TNNI3: variants seen among roughly 807,000 people sequenced by gnomAD.
TNNI3 encodes the protein troponin I3, cardiac type.
A neutral mutation model predicts 31.5 loss-of-function variants in TNNI3; 23 were observed. The ratio of observed to expected loss-of-function variants is 0.73; its 90% CI spans 0.52 to 1.03. The LOEUF (loss-of-function observed/expected upper bound fraction) is 1.03, where lower values mean the gene tolerates loss of function less well. Ranked by LOEUF, TNNI3 falls within the 50% of genes least tolerant of loss-of-function variation. The pLI, the probability that TNNI3 is intolerant of heterozygous loss-of-function variation, is 0.00. For missense variants in TNNI3, 236 were observed against 282.9 expected (o/e 0.83, Z 1.19); for synonymous variants, 120 against 111.7 (o/e 1.07, Z -0.47).
At chr19:55,151,979 C>A (rs367799555) in intron 7 of TNNI3, 62 bp from the exon 8 acceptor site, 2 of 1,486,432 alleles carry the variant, frequency 1.3e-6, no homozygotes, top group East Asian at 2.3e-5. Flanking sequence ...TCTCAAGAAT[C>A]CCTGTCTTCC....
chr19:55,157,279 T>G lies in TNNI3; in HGVS notation c.24+17A>C. On this transcript the variant is annotated intron_variant, in intron 2 of 7. Transcript: ENST00000344887. The surrounding 1 kb of genome is among the most constrained non-coding windows in gnomAD (Gnocchi z 6.3). Reference sequence around the variant, plus strand: ...GGCCCTGGGGGTCCCAGCCACGCCTTAGCCCGCTGCTCTCACCGCATCGCT... The same window carrying G: ...GGCCCTGGGGGTCCCAGCCACGCCTGAGCCCGCTGCTCTCACCGCATCGCT... 6.2e-7 allele frequency: 1 copy of G among 1,612,452 alleles called. No individual in the cohort carries two copies. The highest frequency in any genetic ancestry group is 8.5e-7 in the Non-Finnish European group (1 of 1,179,614).
At chr19:55,155,026 TG>T (rs1280753953) in intron 5 of TNNI3, among the ~76,000 whole-genome samples, 196 bp from the exon 6 acceptor site, 305 of 66,820 alleles carry the variant, frequency 4.6e-3, no homozygotes, top group East Asian at 7.7e-3. Flanking sequence ...GAGAAGGGGC[TG>T]GGGGCCTGGA....
At chr19:55,155,089 G>A (rs1472921083) in intron 5 of TNNI3, among the ~76,000 whole-genome samples, 1 of 127,496 alleles carries the variant, frequency 7.8e-6, no homozygotes, top group Non-Finnish European at 1.7e-5. Context: ...AGGGTCTGAG[G>A]GAGGAGGGGC....
intron 7 of TNNI3, among the ~76,000 whole-genome samples, chr19:55,153,091 C>T (rs1236306699): frequency 2.0e-5 from 3 of 152,124 alleles, no homozygotes. Context: ...AGCCACCACA[C>T]CCGGTAACTT....
intron 6 of TNNI3, 141 bp from the exon 7 acceptor site, chr19:55,154,347 A>T (rs1200903586): frequency 3.4e-6 from 3 of 884,122 alleles, no homozygotes; most frequent in African/African-American, 3.3e-5. Context: ...TTAGGCTCCC[A>T]GTCTAGGCTT....
rs1437130946 is a variant in TNNI3 at position 55,156,578 on chromosome 19, C to G, written c.150+25G>C. The G allele has an allele frequency of 6.4e-7, 1 of 1,557,798 alleles. No homozygotes were observed. The highest frequency in any genetic ancestry group is 2.4e-5 in the East Asian group (1 of 41,628). On this transcript the variant is annotated intron_variant, in intron 4 of 7. Transcript: ENST00000344887. This position sits in a 1 kb window ranked among gnomAD's most constrained non-coding sequence, Gnocchi z 4.6. ...TCCGCCCCCTGAGCACCTGCCTGCT[C>G]TTTCCCAGTCCCGCCCGTCCTCACC...
intron 5 of TNNI3, among the ~76,000 whole-genome samples, chr19:55,155,087 A>T (rs1599909975): frequency 1.9e-5 from 1 of 52,470 alleles, no homozygotes. Context: ...CCAGGGTCTG[A>T]GGGAGGAGGG....
chr19:55,156,491 C>T lies in TNNI3; in HGVS notation c.150+112G>A, dbSNP rs2085730989. ...AGTACTCCCCGCTAAAGCCACGCCC[C>T]GAGCGGCCAAACCCCGCCCACTTCC... On this transcript the variant is annotated intron_variant, in intron 4 of 7. Transcript: ENST00000344887. The surrounding 1 kb of genome is among the most constrained non-coding windows in gnomAD (Gnocchi z 4.6). 2.0e-6 allele frequency: 3 copies of T among 1,514,244 alleles called. No homozygotes were observed. The highest frequency in any genetic ancestry group is 3.9e-5 in the Admixed American group (2 of 50,822). The allele number at this position is 1,514,244 out of a possible 1,614,324, so 93.8% of individuals were successfully genotyped here.
Position 55,156,785 on chromosome 19 carries a change from G to A in TNNI3, c.109-141C>T, listed in dbSNP as rs1320496012. Reference sequence around the variant, plus strand: ...CAACTTGAGCCCTGAGTCTACGGGAGGCCACGCCCCTCATTCCCATCCACC... The same window carrying A: ...CAACTTGAGCCCTGAGTCTACGGGAAGCCACGCCCCTCATTCCCATCCACC... On this transcript the variant is annotated intron_variant, in intron 3 of 7. Coordinates refer to ENST00000344887, the MANE Select transcript of TNNI3 (RefSeq NM_000363.5). The surrounding 1 kb of genome is among the most constrained non-coding windows in gnomAD (Gnocchi z 4.6). 2.0e-6 allele frequency: 2 copies of A among 985,184 alleles called. No homozygotes were observed. The highest frequency in any genetic ancestry group is 1.6e-5 in the African/African-American group (1 of 61,614). 61.0% of individuals were successfully genotyped at this position (985,184 alleles called of 1,614,324 possible).
rs1012923602 is a variant in TNNI3, at chr19:55,156,588, C to G, written c.150+15G>C. On this transcript the variant is annotated intron_variant, in intron 4 of 7. Coordinates refer to ENST00000344887, the MANE Select transcript of TNNI3 (RefSeq NM_000363.5). This position sits in a 1 kb window ranked among gnomAD's most constrained non-coding sequence, Gnocchi z 4.6. The stretch of plus-strand genomic sequence containing the variant: ...GAGCACCTGCCTGCTCTTTCCCAGT[C>G]CCGCCCGTCCTCACCTTCAGCTGCA... 4 of 1,559,368 alleles carry G rather than the reference C, an allele frequency of 2.6e-6. No homozygotes were observed. The highest frequency in any genetic ancestry group is 2.4e-5 in the East Asian group (1 of 41,838).
At position 55,156,285 on chromosome 19, in the gene TNNI3, C is replaced by A. The variant is rs3729710; in HGVS notation, c.198G>T (p.Glu66Asp). The change falls in exon 5 of 8, where the codon GAG becomes GAT. Residue 66 changes from glutamate (E) to aspartate (D), a missense_variant. This residue lies in a region of TNNI3 where 172 missense variants were observed against 171.8 expected (regional missense o/e 1.00). Coordinates refer to ENST00000344887, the MANE Select transcript of TNNI3 (RefSeq NM_000363.5). The surrounding 1 kb of genome is among the most constrained non-coding windows in gnomAD (Gnocchi z 4.6). ...IAKQELEREA[E>D]ERRGEKGRAL... The stretch of plus-strand genomic sequence containing the variant: ...CGCGCCCCTTCTCTCCGCGCCGCTC[C>A]TCCGCCTCTCGCTCCAGCTCTTGCT... The A allele has an allele frequency of 1.2e-6, 2 of 1,611,032 alleles. No individual in the cohort carries two copies. Among genetic ancestry groups the A allele is most frequent in the East Asian group, 4.5e-5 (2 of 44,840 alleles).
At chr19:55,155,158 G>C (rs1270711906) in intron 5 of TNNI3, among the ~76,000 whole-genome samples, 1 of 68,762 alleles carries the variant, frequency 1.5e-5, no homozygotes. Flanking sequence ...TCCTGGGTCT[G>C]AGGGAGGAGG....
chr19:55,155,077 C>T (rs1406044119), intron 5 of TNNI3, among the ~76,000 whole-genome samples: 2 of 113,636 alleles, frequency 1.8e-5, no homozygotes, highest in Non-Finnish European at 3.6e-5. Flanking sequence ...GGCCTCGATT[C>T]CAGGGTCTGA....
chr19:55,157,576 C>T lies in TNNI3; in HGVS notation c.11+3G>A. The T allele has an allele frequency of 1.2e-6, 2 of 1,613,996 alleles. No individual in the cohort carries two copies. Among genetic ancestry groups the T allele is most frequent in the African/African-American group, 1.3e-5 (1 of 75,044 alleles). On this transcript the variant is annotated splice_donor_region_variant and intron_variant, in intron 1 of 7. Coordinates refer to ENST00000344887, the MANE Select transcript of TNNI3 (RefSeq NM_000363.5). The surrounding 1 kb of genome is among the most constrained non-coding windows in gnomAD (Gnocchi z 6.3). ...ACTCCCACTGCCTTGGGGCATCACT[C>T]ACCCATCCGCCATGCTGAGACTCAG...
chr19:55,157,247 C>A lies in TNNI3; in HGVS notation c.24+49G>T. 6.2e-7 allele frequency: 1 copy of A among 1,608,900 alleles called. No homozygotes were observed. Among genetic ancestry groups the A allele is most frequent in the Non-Finnish European group, 8.5e-7 (1 of 1,178,258 alleles). ...CGCCCCAGACCCCTCACTGCAGCGC[C>A]CACCCTGGCCCTGGGGGTCCCAGCC... is the stretch of plus-strand genomic sequence containing the variant. On this transcript the variant is annotated intron_variant, in intron 2 of 7. Transcript: ENST00000344887. The surrounding 1 kb of genome is among the most constrained non-coding windows in gnomAD (Gnocchi z 6.3).
chr19:55,157,350 G>A lies in TNNI3; in HGVS notation c.12-42C>T, dbSNP rs2085741565. The A allele has an allele frequency of 1.3e-6, 2 of 1,577,140 alleles. No homozygotes were observed. Among genetic ancestry groups the A allele is most frequent in the Admixed American group, 1.8e-5 (1 of 55,470 alleles). ...CAAGGAGGGGGGTTAGTGGTGGGCT[G>A]TGTCCTGTCTCCTAAGGGACCCCTG... On this transcript the variant is annotated intron_variant, in intron 1 of 7. Transcript: ENST00000344887. This position sits in a 1 kb window ranked among gnomAD's most constrained non-coding sequence, Gnocchi z 6.3.
intron 6 of TNNI3, 140 bp from the exon 7 acceptor site, chr19:55,154,346 C>G: frequency 2.2e-6 from 2 of 890,474 alleles, no homozygotes; most frequent in South Asian, 1.5e-5. Flanking sequence ...CTTAGGCTCC[C>G]AGTCTAGGCT....
chr19:55,157,509 C>T lies in TNNI3; in HGVS notation c.11+70G>A, dbSNP rs1048157933. ...ACCTCGCAGGCCAAGGGTCCAGCCT[C>T]TCAGCTGCGACCCCTCTTGGGAACC... On this transcript the variant is annotated intron_variant, in intron 1 of 7. Transcript: ENST00000344887. The surrounding 1 kb of genome is among the most constrained non-coding windows in gnomAD (Gnocchi z 6.3). 6.2e-7 allele frequency: 1 copy of T among 1,603,666 alleles called. No homozygotes were observed. The highest frequency in any genetic ancestry group is 1.1e-5 in the South Asian group (1 of 90,376).
chr19:55,156,889 G>T lies in TNNI3; in HGVS notation c.108+161C>A. 1 of 939,944 alleles carries T rather than the reference G, an allele frequency of 1.1e-6. No homozygotes were observed. The highest frequency in any genetic ancestry group is 1.6e-6 in the Non-Finnish European group (1 of 606,418). 58.2% of individuals were successfully genotyped at this position (939,944 alleles called of 1,614,324 possible). On this transcript the variant is annotated intron_variant, in intron 3 of 7. Transcript: ENST00000344887. This position sits in a 1 kb window ranked among gnomAD's most constrained non-coding sequence, Gnocchi z 4.6. ...CGAGGGCAACGGAGTTCCGCCCGCAGGCTGCTGTCACCAATCCGAGCATGA... is the reference window on the plus strand; with the variant it reads ...CGAGGGCAACGGAGTTCCGCCCGCATGCTGCTGTCACCAATCCGAGCATGA...
Sources: gnomAD v4.1 joint callset for allele counts (sites outside exome capture counted in the v4.1 genomes callset) on GRCh38, gnomAD v4.1.1 for gene constraint, gnomAD v4.1.1 regional missense constraint, Gnocchi (gnomAD v3.1) non-coding constraint, MANE v1.5 for transcripts, NCBI Gene and HGNC (gene_info 2026-07-23, HGNC 2026-07-21) for gene names.